Variants in B3GALT1 observed in about 807,000 individuals in gnomAD.
B3GALT1 encodes beta-1,3-galactosyltransferase 1.
A neutral mutation model predicts 23.2 loss-of-function variants in B3GALT1; 10 were observed. The ratio of observed to expected loss-of-function variants is 0.43; its 90% CI spans 0.27 to 0.73. B3GALT1 has a LOEUF of 0.73. B3GALT1 is among the 30% of genes least tolerant of loss of function. The pLI, the probability that B3GALT1 is intolerant of heterozygous loss-of-function variation, is 0.21. For missense variants in B3GALT1, 299 were observed against 405.4 expected, an observed-to-expected ratio of 0.74 and a Z score of 2.25; for synonymous variants, 156 against 141.5, an observed-to-expected ratio of 1.10 and a Z score of -0.73.
intron 1 of B3GALT1, among the ~76,000 whole-genome samples, chr2:167,460,281 T>C (rs1436293397): frequency 6.6e-6 from 1 of 152,206 alleles, no homozygotes; most frequent in Non-Finnish European, 1.5e-5. Context: ...TCTTACGGTC[T>C]GTTCACTTTT....
At chr2:167,654,853 T>A (rs952309630) in intron 3 of B3GALT1, among the ~76,000 whole-genome samples, 6 of 151,718 alleles carry the variant, frequency 4.0e-5, no homozygotes, top group African/African-American at 1.5e-4. Flanking sequence ...ACTCTCAGAT[T>A]CTGTAATATG....
At chr2:167,466,253 T>TAAA (rs1277894773) in intron 1 of B3GALT1, among the ~76,000 whole-genome samples, 5 of 152,158 alleles carry the variant, frequency 3.3e-5, no homozygotes, top group African/African-American at 1.2e-4. Flanking sequence ...AACAATACAT[T>TAAA]TGATAATCAG....
At chr2:167,571,202 T>C (rs1029168383) in intron 2 of B3GALT1, among the ~76,000 whole-genome samples, 1 of 151,820 alleles carries the variant, frequency 6.6e-6, no homozygotes, top group Admixed American at 6.6e-5. Context: ...CTTTGAATAA[T>C]CATTTTGGGA....
intron 3 of B3GALT1, among the ~76,000 whole-genome samples, chr2:167,751,916 C>G (rs1214617952): frequency 6.6e-6 from 1 of 152,138 alleles, no homozygotes; most frequent in Admixed American, 6.6e-5. Flanking sequence ...CACATTACTA[C>G]TGTAGGCATT....
rs1166124159 is a variant in B3GALT1, at chr2:167,832,129, T to C, written c.-230+13336T>C. Among the ~76,000 whole-genome samples, 3 of 152,210 alleles carry C rather than the reference T, an allele frequency of 2.0e-5. No homozygotes were observed. In the East Asian group the frequency reaches 5.8e-4, roughly 29 times the overall value. The stretch of plus-strand genomic sequence containing the variant: ...ACTATAGATTGTGGCTGACACTAGT[T>C]TGAATCCTGGCTCTCCTGAAGTGCC... On this transcript the variant is annotated intron_variant, in intron 4 of 4. Transcript: ENST00000392690.
intron 2 of B3GALT1, among the ~76,000 whole-genome samples, chr2:167,635,541 C>T (rs867148484): frequency 1.3e-5 from 2 of 151,998 alleles, no homozygotes; most frequent in African/African-American, 4.8e-5. Flanking sequence ...ACAAGCATTC[C>T]TATACGCCAA....
At chr2:167,695,017 C>T (rs1022223072) in intron 3 of B3GALT1, among the ~76,000 whole-genome samples, 9 of 152,138 alleles carry the variant, frequency 5.9e-5, no homozygotes, top group African/African-American at 2.2e-4. Flanking sequence ...CCCATGCTCT[C>T]TCAATTGAGC....
chr2:167,391,995 CT>C (rs1698020108), intron 1 of B3GALT1, among the ~76,000 whole-genome samples: 1 of 152,088 alleles, frequency 6.6e-6, no homozygotes, highest in African/African-American at 2.4e-5. Flanking sequence ...ATCTTGCACC[CT>C]TACCGGACTT....
intron 4 of B3GALT1, among the ~76,000 whole-genome samples, chr2:167,860,624 A>G (rs76751604): frequency 1.8e-3 from 267 of 152,278 alleles, no homozygotes; most frequent in Non-Finnish European, 3.0e-3. Context: ...TACTAGTTTG[A>G]GATAGTATAA....
chr2:167,831,569 A>C (rs1689353649), intron 4 of B3GALT1, among the ~76,000 whole-genome samples: 2 of 152,158 alleles, frequency 1.3e-5, no homozygotes, highest in South Asian at 4.1e-4. Context: ...GAGAAAGAGA[A>C]AGTGGTGCAG....
chr2:167,477,902 C>T (rs1224524347), intron 1 of B3GALT1, among the ~76,000 whole-genome samples: 1 of 152,104 alleles, frequency 6.6e-6, no homozygotes, highest in African/African-American at 2.4e-5. Flanking sequence ...TTTTGAATGG[C>T]AGAATAGAAA....
chr2:167,391,286 T>C (rs1211005374), intron 1 of B3GALT1, among the ~76,000 whole-genome samples: 2 of 152,234 alleles, frequency 1.3e-5, no homozygotes, highest in Non-Finnish European at 2.9e-5. Flanking sequence ...TCCCACAGTT[T>C]CTGCATTGTG....
intron 3 of B3GALT1, among the ~76,000 whole-genome samples, chr2:167,804,029 T>C (rs1000423075): frequency 3.3e-5 from 5 of 152,220 alleles, no homozygotes; most frequent in Non-Finnish European, 5.9e-5. Context: ...GGAGTCTCAC[T>C]CTGCTGCCCA....
intron 2 of B3GALT1, among the ~76,000 whole-genome samples, chr2:167,538,219 T>G (rs1285366063): frequency 6.6e-6 from 1 of 152,212 alleles, no homozygotes; most frequent in East Asian, 1.9e-4. Context: ...TACTAAGATT[T>G]ATGCCACATC....
At chr2:167,544,632 A>G (rs1683594537) in intron 2 of B3GALT1, among the ~76,000 whole-genome samples, 2 of 152,122 alleles carry the variant, frequency 1.3e-5, no homozygotes, top group Non-Finnish European at 2.9e-5. Flanking sequence ...GTTAACCACA[A>G]GGATGCAGCA....
chr2:167,691,473 T>C (rs1686709958), intron 3 of B3GALT1, among the ~76,000 whole-genome samples: 1 of 152,154 alleles, frequency 6.6e-6, no homozygotes, highest in African/African-American at 2.4e-5. Flanking sequence ...TTTTCACATT[T>C]AGTAAAAATT....
chr2:167,835,188 G>T (rs1166360129), intron 4 of B3GALT1, among the ~76,000 whole-genome samples: 1 of 152,144 alleles, frequency 6.6e-6, no homozygotes, highest in East Asian at 1.9e-4. Context: ...GTGCAGGTTA[G>T]TGGGTGCAGC....
At chr2:167,696,408 G>A (rs1558951592) in intron 3 of B3GALT1, among the ~76,000 whole-genome samples, 1 of 151,652 alleles carries the variant, frequency 6.6e-6, no homozygotes, top group Non-Finnish European at 1.5e-5. Context: ...ATTAATGATG[G>A]TTACTATGGT....
intron 2 of B3GALT1, among the ~76,000 whole-genome samples, chr2:167,576,532 GT>G (rs1310083012): frequency 3.8e-3 from 423 of 110,938 alleles, no homozygotes; most frequent in Admixed American, 4.6e-3. Context: ...TTTTTTTTTT[GT>G]TTTTTTTTTT....
Sources: gnomAD v4.1 joint callset for allele counts (sites outside exome capture counted in the v4.1 genomes callset) on GRCh38, gnomAD v4.1.1 for gene constraint, MANE v1.5 for transcripts, NCBI Gene and HGNC (gene_info 2026-07-23, HGNC 2026-07-21) for gene names.